Variants in MAP4K4 observed in about 807,000 individuals in gnomAD.
MAP4K4 encodes HPK/GCK-like kinase HGK.
In MAP4K4, 38 loss-of-function variants were observed where a neutral mutation model predicts 189.6. The ratio of observed to expected loss-of-function variants is 0.20; its 90% confidence interval spans 0.15 to 0.26. The LOEUF is 0.26. Among genes scored for constraint, MAP4K4 ranks in the 10% least tolerant of loss-of-function variants. The pLI is 1.00. For missense variants in MAP4K4, 1,054 were observed against 1,726.9 expected, an observed-to-expected ratio of 0.61 and a Z score of 6.91; for synonymous variants, 610 against 624.3, an observed-to-expected ratio of 0.98 and a Z score of 0.34.
intron 2 of MAP4K4, among the ~76,000 whole-genome samples, chr2:101,785,368 AG>A (rs1393184093): frequency 1.3e-5 from 2 of 152,176 alleles, no homozygotes; most frequent in African/African-American, 4.8e-5. Context: ...CTGTGACGGA[AG>A]GTTGGAGGAT....
At chr2:101,852,334 T>C (rs1478605335) in intron 12 of MAP4K4, among the ~76,000 whole-genome samples, 1 of 152,134 alleles carries the variant, frequency 6.6e-6, no homozygotes, top group Non-Finnish European at 1.5e-5. Flanking sequence ...TCACAGCAGT[T>C]TCTGTTAAGA....
At chr2:101,742,688 A>G (rs1485747331) in intron 2 of MAP4K4, among the ~76,000 whole-genome samples, 2 of 152,130 alleles carry the variant, frequency 1.3e-5, no homozygotes, top group African/African-American at 2.4e-5. Context: ...CTTGCTCACA[A>G]GCCTTCTTTC....
intron 3 of MAP4K4, among the ~76,000 whole-genome samples, chr2:101,811,708 C>T (rs966312196): frequency 7.2e-5 from 11 of 152,126 alleles, no homozygotes; most frequent in Non-Finnish European, 1.3e-4. Context: ...GCCCACAGTT[C>T]GTGCTTACTG....
exon 33 of MAP4K4, chr2:101,891,429 A>G: frequency 1.8e-6 from 1 of 547,338 alleles, no homozygotes; most frequent in Non-Finnish European, 3.3e-6. Context: ...GTTTATCCCC[A>G]TTCTTTTTTT....
chr2:101,764,380 T>G (rs933116114), intron 2 of MAP4K4, among the ~76,000 whole-genome samples: 1 of 152,234 alleles, frequency 6.6e-6, no homozygotes, highest in Non-Finnish European at 1.5e-5. Flanking sequence ...GTTTTGACAC[T>G]GTGTTCCTGG....
At chr2:101,870,512 C>CCATAACA (rs2097957736) in intron 23 of MAP4K4, 97 bp downstream of exon 23, 1 of 1,513,994 alleles carries the variant, frequency 6.6e-7, no homozygotes, top group African/African-American at 1.4e-5. Context: ...CCATCATCAT[C>CCATAACA]TGTTTTCATG....
At chr2:101,734,279 A>G (rs1483443764) in intron 2 of MAP4K4, among the ~76,000 whole-genome samples, 1 of 152,060 alleles carries the variant, frequency 6.6e-6, no homozygotes, top group Non-Finnish European at 1.5e-5. Flanking sequence ...TAAAATGTGC[A>G]CCTCCCCTCA....
chr2:101,772,484 T>C (rs1388474941), intron 2 of MAP4K4, among the ~76,000 whole-genome samples: 3 of 152,226 alleles, frequency 2.0e-5, no homozygotes, highest in Non-Finnish European at 4.4e-5. Flanking sequence ...AATTTTGTTC[T>C]TTTTAAATTG....
chr2:101,730,055 C>T (rs1179877118), intron 2 of MAP4K4, among the ~76,000 whole-genome samples: 1 of 152,182 alleles, frequency 6.6e-6, no homozygotes, highest in Non-Finnish European at 1.5e-5. Flanking sequence ...AGAGTTAGTC[C>T]AGGGGCCCTC....
chr2:101,884,682 T>A (rs2098456312), intron 28 of MAP4K4, among the ~76,000 whole-genome samples: 1 of 152,198 alleles, frequency 6.6e-6, no homozygotes, highest in African/African-American at 2.4e-5. Flanking sequence ...GAAATGGTCT[T>A]AGTGATACTT....
At chr2:101,810,109 T>C (rs2095319952) in intron 3 of MAP4K4, among the ~76,000 whole-genome samples, 1 of 152,280 alleles carries the variant, frequency 6.6e-6, no homozygotes, top group Non-Finnish European at 1.5e-5. Context: ...TCATTTTAAG[T>C]GAAGGAAATG....
At chr2:101,887,977 G>T in intron 31 of MAP4K4, 40 bp downstream of exon 31, 5 of 1,535,906 alleles carry the variant, frequency 3.3e-6, no homozygotes, top group Non-Finnish European at 4.4e-6. Context: ...TGTGAAAATG[G>T]AGCCGTGTCT....
At chr2:101,789,602 G>C (rs947302260) in intron 2 of MAP4K4, among the ~76,000 whole-genome samples, 6 of 152,188 alleles carry the variant, frequency 3.9e-5, no homozygotes, top group African/African-American at 1.2e-4. Context: ...ACTCTCCTCA[G>C]ATTTAAAGTT....
At chr2:101,740,114 C>CT (rs1304408525) in intron 2 of MAP4K4, among the ~76,000 whole-genome samples, 3 of 150,708 alleles carry the variant, frequency 2.0e-5, no homozygotes, top group Non-Finnish European at 4.4e-5. Flanking sequence ...AACACAACAT[C>CT]TGTCGCTTTC....
At chr2:101,785,379 T>A (rs1318927547) in intron 2 of MAP4K4, among the ~76,000 whole-genome samples, 2 of 152,210 alleles carry the variant, frequency 1.3e-5, no homozygotes, top group Admixed American at 1.3e-4. Context: ...GGTTGGAGGA[T>A]GAGTGGTGAA....
intron 2 of MAP4K4, among the ~76,000 whole-genome samples, chr2:101,738,158 C>T (rs894064029): frequency 6.6e-6 from 1 of 152,140 alleles, no homozygotes; most frequent in Non-Finnish European, 1.5e-5. Context: ...GAGAAAGCCC[C>T]TTGTACTTTT....
At chr2:101,825,193 T>G (rs1410104388) in intron 4 of MAP4K4, 126 bp from the exon 5 acceptor site, 1 of 584,280 alleles carries the variant, frequency 1.7e-6, no homozygotes, top group African/African-American at 1.9e-5. Context: ...TGCCTCCAAA[T>G]TATTATGAAT....
At chr2:101,797,315 G>A (rs763287183) in intron 3 of MAP4K4, 12 of 1,290,750 alleles carry the variant, frequency 9.3e-6, no homozygotes, top group South Asian at 1.2e-5. Context: ...TAGGGTGTTG[G>A]TGGCACTTTC....
chr2:101,888,971 T>C (rs1465840272), intron 32 of MAP4K4, 36 bp downstream of exon 32: 3 of 1,546,664 alleles, frequency 1.9e-6, no homozygotes, highest in South Asian at 2.4e-5. Flanking sequence ...TTAGTTGCTC[T>C]ATCTTTTAAT....
Sources: allele counts gnomAD v4.1 joint callset (sites outside exome capture counted in the v4.1 genomes callset), GRCh38; gene constraint gnomAD v4.1.1; transcripts MANE v1.5; gene names NCBI Gene and HGNC (gene_info 2026-07-23, HGNC 2026-07-21).